The following FHIT variants were observed in gnomAD, a reference collection of about 807,000 sequenced individuals.
FHIT encodes bis(5'-adenosyl)-triphosphatase.
A neutral mutation model predicts 17.9 loss-of-function variants in FHIT; 19 were observed. The observed-to-expected ratio is 1.06, with a 90% CI of 0.74 to 1.56. FHIT has a LOEUF of 1.56. Among genes scored for constraint, FHIT ranks in the 40% most tolerant of loss-of-function variants. The pLI is 0.00. For missense variants in FHIT, 248 were observed against 189.2 expected, an observed-to-expected ratio of 1.31 and a Z score of -1.82; for synonymous variants, 81 against 69.7, an observed-to-expected ratio of 1.16 and a Z score of -0.81.
chr3:61,208,462 G>C (rs931348480), intron 1 of FHIT, among the ~76,000 whole-genome samples: 1 of 152,000 alleles, frequency 6.6e-6, no homozygotes, highest in South Asian at 2.1e-4. Flanking sequence ...TCTCTTTGTA[G>C]GTCACTCAGG....
intron 5 of FHIT, among the ~76,000 whole-genome samples, chr3:60,061,150 C>T (rs749878870): frequency 2.6e-5 from 4 of 151,244 alleles, no homozygotes; most frequent in Non-Finnish European, 5.9e-5. Flanking sequence ...TAGAGTAGGA[C>T]GTTTTCTAAC....
intron 3 of FHIT, among the ~76,000 whole-genome samples, chr3:60,943,902 G>A (rs1343723560): frequency 6.6e-6 from 1 of 152,050 alleles, no homozygotes. Context: ...ATGAAAATAA[G>A]TGAATCCACT....
intron 5 of FHIT, among the ~76,000 whole-genome samples, chr3:60,136,345 T>C (rs1016698982): frequency 6.6e-6 from 1 of 152,098 alleles, no homozygotes; most frequent in Non-Finnish European, 1.5e-5. Flanking sequence ...TTCTTCTTCA[T>C]CCCATAAACA....
chr3:60,789,173 TATAG>T lies in FHIT; in HGVS notation c.-18+32742_-18+32745del, dbSNP rs1298784580. On this transcript the variant is annotated intron_variant, in intron 4 of 9. Coordinates refer to ENST00000492590, the MANE Select transcript of FHIT (RefSeq NM_002012.4). ...GTGTGTGTGTATATATATATATATA[TATAG>T]AGAGAGAGAGAGAGAGAGAGAGACA... is the stretch of plus-strand genomic sequence containing the variant. Among the ~76,000 whole-genome samples, 332 of 98,692 alleles carry T rather than the reference TATAG, an allele frequency of 3.4e-3. 1 individual carries two copies. The highest frequency in any genetic ancestry group is 0.022 in the Middle Eastern group (4 of 182). 64.7% of individuals were successfully genotyped at this position (98,692 alleles called of 152,430 possible). A position where few individuals can be genotyped will look rare whatever the true frequency, so the allele number is the denominator to read the frequency against.
intron 5 of FHIT, among the ~76,000 whole-genome samples, chr3:60,374,457 G>A (rs1423246703): frequency 1.3e-5 from 2 of 151,400 alleles, no homozygotes; most frequent in East Asian, 3.9e-4. Flanking sequence ...TTACATTTAG[G>A]GAAGCATATC....
intron 3 of FHIT, among the ~76,000 whole-genome samples, chr3:60,986,997 T>C (rs1004836560): frequency 1.4e-4 from 22 of 152,202 alleles, no homozygotes; most frequent in African/African-American, 4.8e-5. Flanking sequence ...CATCATCTTG[T>C]TGCCAGGATG....
chr3:60,540,402 T>G (rs1027739126), intron 4 of FHIT, among the ~76,000 whole-genome samples: 1 of 152,230 alleles, frequency 6.6e-6, no homozygotes, highest in Admixed American at 6.5e-5. Flanking sequence ...AGTTGGAAGT[T>G]CCAGAGGCCC....
intron 3 of FHIT, among the ~76,000 whole-genome samples, chr3:60,974,083 C>T (rs866612247): frequency 1.3e-5 from 2 of 152,164 alleles, no homozygotes; most frequent in Admixed American, 6.5e-5. Context: ...TGGCTCACTA[C>T]ATATTTGTTA....
intron 5 of FHIT, among the ~76,000 whole-genome samples, chr3:60,040,563 T>C (rs911860504): frequency 1.3e-5 from 2 of 152,188 alleles, no homozygotes; most frequent in African/African-American, 4.8e-5. Flanking sequence ...ACACTTACCT[T>C]TTCTCTATTC....
intron 4 of FHIT, among the ~76,000 whole-genome samples, chr3:60,577,080 A>G (rs1165321735): frequency 1.3e-5 from 2 of 152,136 alleles, no homozygotes; most frequent in African/African-American, 2.4e-5. Flanking sequence ...CTGTTTTTCA[A>G]ATAAATAAAA....
chr3:60,455,567 C>G (rs748047458), intron 5 of FHIT, among the ~76,000 whole-genome samples: 1 of 152,040 alleles, frequency 6.6e-6, no homozygotes, highest in African/African-American at 2.4e-5. Context: ...TGTTTATTTG[C>G]TTTAGTATGA....
intron 3 of FHIT, among the ~76,000 whole-genome samples, chr3:61,001,468 C>A (rs1264464372): frequency 6.6e-6 from 1 of 152,098 alleles, no homozygotes; most frequent in Non-Finnish European, 1.5e-5. Context: ...CGGAATATTT[C>A]TTAGCAATAC....
chr3:60,467,715 A>C (rs898468813), intron 5 of FHIT, among the ~76,000 whole-genome samples: 3 of 152,030 alleles, frequency 2.0e-5, no homozygotes, highest in African/African-American at 7.2e-5. Flanking sequence ...AAATGTTTTA[A>C]GATTTGTTTT....
At chr3:60,702,143 C>G (rs936924133) in intron 4 of FHIT, among the ~76,000 whole-genome samples, 1 of 152,172 alleles carries the variant, frequency 6.6e-6, no homozygotes, top group Non-Finnish European at 1.5e-5. Context: ...GGATTATAGG[C>G]GTGAGCCACT....
chr3:60,208,656 G>C (rs753536514), intron 5 of FHIT, among the ~76,000 whole-genome samples: 2 of 151,904 alleles, frequency 1.3e-5, no homozygotes, highest in African/African-American at 2.4e-5. Context: ...TCAAAGCATT[G>C]GTTATTATTT....
At chr3:59,754,177 G>C (rs6803318) in intron 8 of FHIT, among the ~76,000 whole-genome samples, 1 of 151,088 alleles carries the variant, frequency 6.6e-6, no homozygotes, top group African/African-American at 2.5e-5. Context: ...CCATAGCCTC[G>C]CACTCCCGCT....
chr3:60,339,361 A>G (rs1159763259), intron 5 of FHIT, among the ~76,000 whole-genome samples: 1 of 152,182 alleles, frequency 6.6e-6, no homozygotes, highest in Non-Finnish European at 1.5e-5. Flanking sequence ...TGAAACAAAG[A>G]CCACGTCTAA....
intron 5 of FHIT, among the ~76,000 whole-genome samples, chr3:60,324,774 G>T (rs574112725): frequency 6.6e-6 from 1 of 152,090 alleles, no homozygotes; most frequent in South Asian, 2.1e-4. Flanking sequence ...CTTCCTTTAA[G>T]GTAATCACTT....
intron 5 of FHIT, among the ~76,000 whole-genome samples, chr3:60,290,884 C>T (rs985431130): frequency 2.6e-5 from 4 of 152,138 alleles, no homozygotes; most frequent in Non-Finnish European, 5.9e-5. Flanking sequence ...GCCAAGAACT[C>T]CTGAGTCTTA....
Sources: gnomAD v4.1 joint callset for allele counts (sites outside exome capture counted in the v4.1 genomes callset) on GRCh38, gnomAD v4.1.1 for gene constraint, MANE v1.5 for transcripts, NCBI Gene and HGNC (gene_info 2026-07-23, HGNC 2026-07-21) for gene names.